OR8B2: variants seen among roughly 807,000 people sequenced by gnomAD.
OR8B2 encodes olfactory receptor family 8 subfamily B member 2.
For synonymous variants in OR8B2, 98 were observed against 138.2 expected (o/e 0.71, Z 2.04); for missense variants, 304 against 379.6 (o/e 0.80, Z 1.65).
upstream of OR8B2, among the ~76,000 whole-genome samples, chr11:124,387,223 A>T (rs1245065628): frequency 5.9e-5 from 9 of 152,208 alleles, no homozygotes; most frequent in Non-Finnish European, 1.2e-4. Context: ...GTTCACTCTG[A>T]TGGTAGTTTC....
At chr11:124,388,580 A>T (rs553722287), upstream of OR8B2, among the ~76,000 whole-genome samples, 3 of 152,108 alleles carry the variant, frequency 2.0e-5, no homozygotes, top group African/African-American at 7.2e-5. Context: ...ACTTGACCAG[A>T]TGTATTCTGC....
At chr11:124,392,109 A>G in the OR8B2 span, among the ~76,000 whole-genome samples, 2 of 121,890 alleles carry the variant, frequency 1.6e-5, no homozygotes, top group Non-Finnish European at 3.3e-5. Context: ...GATGGGACGT[A>G]TCTCAAAATA....
At chr11:124,393,089 C>T in the OR8B2 span, among the ~76,000 whole-genome samples, 1 of 144,442 alleles carries the variant, frequency 6.9e-6, no homozygotes, top group Admixed American at 6.9e-5. Flanking sequence ...GGATCCCTTC[C>T]TTATACCTTA....
At chr11:124,396,362 A>G in the OR8B2 span, 4 of 1,492,122 alleles carry the variant, frequency 2.7e-6, no homozygotes, top group Non-Finnish European at 3.6e-6. Context: ...GAACACACTA[A>G]TAAAAATTTA....
the OR8B2 span, among the ~76,000 whole-genome samples, chr11:124,389,592 C>T: frequency 6.6e-6 from 1 of 151,950 alleles, no homozygotes; most frequent in Non-Finnish European, 1.5e-5. Flanking sequence ...TGAAAAGGAG[C>T]CCCCCAGAAC....
the OR8B2 span, among the ~76,000 whole-genome samples, chr11:124,390,649 T>C: frequency 6.6e-6 from 1 of 152,194 alleles, no homozygotes; most frequent in Admixed American, 6.5e-5. Flanking sequence ...GAGATATATA[T>C]GTGGACACAA....
chr11:124,385,089 A>T (rs1327022600), upstream of OR8B2, among the ~76,000 whole-genome samples: 2 of 152,334 alleles, frequency 1.3e-5, no homozygotes, highest in African/African-American at 4.8e-5. Flanking sequence ...GATTTTTTAA[A>T]TAAAATTTTG....
the OR8B2 span, among the ~76,000 whole-genome samples, chr11:124,391,288 CA>C: frequency 1.9e-4 from 27 of 145,700 alleles, no homozygotes; most frequent in African/African-American, 5.9e-4. Context: ...GAAATACAGA[CA>C]AAAAAAAAAC....
the OR8B2 span, among the ~76,000 whole-genome samples, chr11:124,391,590 C>G: frequency 6.6e-6 from 1 of 152,102 alleles, no homozygotes; most frequent in Non-Finnish European, 1.5e-5. Flanking sequence ...CTGAATAGAC[C>G]AATAACAGGA....
In OR8B2 at chr11:124,383,196, C is replaced by T. The variant is rs199876895; in HGVS notation, c.148G>A (p.Gly50Ser). 131 of 1,613,830 alleles carry T rather than the reference C, an allele frequency of 8.1e-5. No individual in the cohort carries two copies. Among genetic ancestry groups the T allele is most frequent in the East Asian group, 4.2e-4 (19 of 44,874 alleles). Residue 50 changes from glycine (G) to serine (S), a missense_variant, in exon 2 of 2, where the codon GGT becomes AGT. Physicochemically the swap from Gly to Ser is moderately conservative, Grantham distance 56. Coordinates refer to ENST00000641451, the MANE Select transcript of OR8B2 (RefSeq NM_001005468.2). Reference protein sequence around the residue: ...VGNLGLITLFGLNSHLHTPMY... With the variant: ...VGNLGLITLFSLNSHLHTPMY... ...GGTGTGTGGAGGTGAGAATTTAGAC[C>T]GAAAAGAGTGATCAAGCCAAGGTTG...
chr11:124,385,514 GT>G (rs1287120124), upstream of OR8B2, among the ~76,000 whole-genome samples: 1 of 151,438 alleles, frequency 6.6e-6, no homozygotes. Context: ...GTGTGTGTGT[GT>G]GTGTGTGTCT....
At chr11:124,396,572 A>C in the OR8B2 span, 28 of 1,613,442 alleles carry the variant, frequency 1.7e-5, no homozygotes, top group African/African-American at 4.0e-5. Flanking sequence ...AAGAATATTT[A>C]ATATACATGA....
chr11:124,382,500 G>C lies in OR8B2; in HGVS notation c.844C>G (p.Pro282Ala). 1 of 1,613,936 alleles carries C rather than the reference G, an allele frequency of 6.2e-7. No individual in the cohort carries two copies. The change falls in exon 2 of 2, where the codon CCC (proline) becomes GCC (alanine). Residue 282 changes from proline (P) to alanine (A), a missense_variant. Physicochemically the swap from Pro to Ala is conservative, Grantham distance 27 (BLOSUM62 -1). Transcript: ENST00000641451. ...CTGTAGATGAGGGGATTGAGCATGG[G>C]CACCACATTAGTGTAGAAAACAGAA... The part of the protein sequence containing the change: ...VSSVFYTNVV[P>A]MLNPLIYSLR...
chr11:124,383,102 A>G lies in OR8B2; in HGVS notation c.242T>C (p.Met81Thr). Residue 81 changes from methionine to threonine, a missense_variant, in exon 2 of 2, where the codon ATG (methionine) becomes ACG (threonine). Transcript: ENST00000641451. ...CTTTTTTGACACAAAGTTCATTAGC[A>G]TTTTGGGAGTGAAAACAGAGGAGTA... ...LCYSSVFTPK[M>T]LMNFVSKKNI... 2 of 1,613,952 alleles carry G rather than the reference A, an allele frequency of 1.2e-6. No homozygotes were observed. Among genetic ancestry groups the G allele is most frequent in the South Asian group, 2.2e-5 (2 of 91,080 alleles).
the OR8B2 span, among the ~76,000 whole-genome samples, chr11:124,390,788 C>A: frequency 2.0e-5 from 3 of 150,476 alleles, no homozygotes; most frequent in African/African-American, 4.9e-5. Context: ...GGGCTTAGTG[C>A]TTTATAGAAT....
At position 124,382,765 on chromosome 11, in the gene OR8B2, A is replaced by G. The variant is rs769036650; in HGVS notation, c.579T>C (p.Tyr193=). 5.0e-6 allele frequency: 8 copies of G among 1,613,694 alleles called. No individual in the cohort carries two copies. The highest frequency in any genetic ancestry group is 6.8e-6 in the Non-Finnish European group (8 of 1,179,700). The part of the protein sequence containing the change: ...PLLQLSCTST[Y]VNEVVVLIVV... ...CAATGAGAACAACCACCTCGTTGAC[A>G]TAGGTGCTGGTGCAGGAAAGCTGGA... Residue 193 remains tyrosine, a synonymous_variant, in exon 2 of 2, where the codon TAT becomes TAC. Transcript: ENST00000641451.
chr11:124,393,945 G>A, the OR8B2 span, among the ~76,000 whole-genome samples: 4 of 151,370 alleles, frequency 2.6e-5, no homozygotes, highest in East Asian at 7.8e-4. Context: ...ATGAGTTCAT[G>A]TCCTTTGTAG....
intron 1 of OR8B2, among the ~76,000 whole-genome samples, chr11:124,383,863 T>C (rs2134191570): frequency 6.6e-6 from 1 of 152,278 alleles, no homozygotes; most frequent in South Asian, 2.1e-4. Context: ...CACCGGGTGA[T>C]AAAAGAAGAC....
chr11:124,392,031 A>T, the OR8B2 span, among the ~76,000 whole-genome samples: 3 of 122,566 alleles, frequency 2.4e-5, no homozygotes, highest in African/African-American at 4.0e-5. Flanking sequence ...ATCTCAATAG[A>T]TGCAGAAAAG....
Sources: allele counts gnomAD v4.1 joint callset (sites outside exome capture counted in the v4.1 genomes callset), GRCh38; gene constraint gnomAD v4.1.1; transcripts MANE v1.5; gene names NCBI Gene and HGNC (gene_info 2026-07-23, HGNC 2026-07-21).